SYNE2: variants seen among roughly 807,000 people sequenced by gnomAD.
The protein encoded by SYNE2 is spectrin repeat containing nuclear envelope protein 2.
In SYNE2, 431 loss-of-function variants were observed where a neutral mutation model predicts 856.3. The ratio of observed to expected loss-of-function variants is 0.50; its 90% CI spans 0.47 to 0.55. The LOEUF (loss-of-function observed/expected upper bound fraction) is 0.55, where lower values mean the gene tolerates loss of function less well. Ranked by LOEUF, SYNE2 falls within the 20% of genes least tolerant of loss-of-function variation. The pLI, the probability that SYNE2 is intolerant of heterozygous loss-of-function variation, is 0.00. For synonymous variants in SYNE2, 2,923 were observed against 2,872.3 expected, an observed-to-expected ratio of 1.02 and a Z score of -0.56; for missense variants, 8,129 against 8,023.2, an observed-to-expected ratio of 1.01 and a Z score of -0.50.
In SYNE2 at chr14:64,202,206, A is replaced by C. The variant is rs1031615638; in HGVS notation, c.18039-595A>C. The C allele has an allele frequency of 1.4e-5, 10 of 702,166 alleles. No homozygotes were observed. In the African/African-American group the frequency reaches 1.6e-4, roughly 11 times the overall value. 43.5% of individuals were successfully genotyped at this position (702,166 alleles called of 1,614,324 possible). Reference sequence around the variant, plus strand: ...TTTTAGACGGACAGAGATGCCCCATAATCTACCCGCATGGGCTGGTTCAAT... The same window carrying C: ...TTTTAGACGGACAGAGATGCCCCATCATCTACCCGCATGGGCTGGTTCAAT... On this transcript the variant is annotated intron_variant, in intron 99 of 115. Coordinates refer to ENST00000555002, the MANE Select transcript of SYNE2 (RefSeq NM_182914.3).
Position 64,163,432 on chromosome 14 carries a change from G to A in SYNE2, c.16330G>A (p.Glu5444Lys). ...GCAGCATGATGTGCAGAAAACAAAA[G>A]AAGCCTTTCTCCAAAATTCCAGTGT... Reference protein sequence around the residue: ...ELQHDVQKTKEAFLQNSSVLD... With the variant: ...ELQHDVQKTKKAFLQNSSVLD... The change falls in exon 89 of 116, where the codon GAA (glutamate) becomes AAA (lysine). Residue 5444 changes from glutamate (E) to lysine (K), a missense_variant. By Grantham distance (56) the Glu-to-Lys change is moderately conservative (BLOSUM62 1). Coordinates refer to ENST00000555002, the MANE Select transcript of SYNE2 (RefSeq NM_182914.3). The A allele has an allele frequency of 6.2e-7, 1 of 1,613,990 alleles. No homozygotes were observed.
intron 51 of SYNE2, among the ~76,000 whole-genome samples, chr14:64,066,684 G>T (rs936072709): frequency 6.6e-6 from 1 of 152,170 alleles, no homozygotes; most frequent in Non-Finnish European, 1.5e-5. Context: ...TTACACTTTT[G>T]GTTGGGGCTG....
At chr14:64,086,110 G>C (rs1197534149) in intron 57 of SYNE2, among the ~76,000 whole-genome samples, 3 of 152,090 alleles carry the variant, frequency 2.0e-5, no homozygotes, top group Non-Finnish European at 2.9e-5. Context: ...ATTTCTTCCT[G>C]TGTTTTCTTC....
intron 65 of SYNE2, among the ~76,000 whole-genome samples, chr14:64,108,043 C>T (rs2097782482): frequency 6.6e-6 from 1 of 152,078 alleles, no homozygotes; most frequent in South Asian, 2.1e-4. Flanking sequence ...AATCAAAATT[C>T]AGGGAGTAAA....
intron 1 of SYNE2, among the ~76,000 whole-genome samples, chr14:63,822,942 A>C (rs1434822272): frequency 1.3e-5 from 2 of 151,954 alleles, no homozygotes; most frequent in African/African-American, 4.8e-5. Context: ...CATCTCTATA[A>C]AATTTTTAAA....
chr14:64,128,546 A>C lies in SYNE2; in HGVS notation c.14012A>C (p.Gln4671Pro). ...ATCAGTGGGCAGAGTGTTGCTGAAC[A>C]GCTTCAGGTAATCAAGTCAAAATAA... ...NEISGQSVAE[Q>P]LQKADAYTVE... Residue 4671 changes from glutamine to proline, a missense_variant, in exon 74 of 116, where the codon CAG becomes CCG. Gln to Pro is a moderately conservative substitution (Grantham distance 76). This residue lies in a region of SYNE2 where 5,410 missense variants were observed against 5,284.8 expected (regional missense o/e 1.02). Transcript: ENST00000555002. The C allele has an allele frequency of 6.3e-7, 1 of 1,597,862 alleles. No individual in the cohort carries two copies. Among genetic ancestry groups the C allele is most frequent in the South Asian group, 1.1e-5 (1 of 90,720 alleles).
intron 77 of SYNE2, among the ~76,000 whole-genome samples, chr14:64,133,214 AAAG>A (rs2098043567): frequency 6.6e-6 from 1 of 152,154 alleles, no homozygotes; most frequent in Non-Finnish European, 1.5e-5. Flanking sequence ...TCAAAAAAAA[AAAG>A]AAAAAAGGAA....
chr14:64,141,964 C>G lies in SYNE2; in HGVS notation c.15182C>G (p.Ser5061Cys). 6.2e-7 allele frequency: 1 copy of G among 1,614,048 alleles called. No individual in the cohort carries two copies. Among genetic ancestry groups the G allele is most frequent in the Non-Finnish European group, 8.5e-7 (1 of 1,179,994 alleles). ...CAGCTTCAAATGGAGAAATTGCCGTCTCGTAAAGCAATCACAGAAATGATT... is the reference window on the plus strand; with the variant it reads ...CAGCTTCAAATGGAGAAATTGCCGTGTCGTAAAGCAATCACAGAAATGATT... ...LHQLQMEKLPSRKAITEMISW... is the reference protein window; with the variant it reads ...LHQLQMEKLPCRKAITEMISW... Residue 5061 changes from serine (S) to cysteine (C), a missense_variant, in exon 82 of 116, where the codon TCT (serine) becomes TGT (cysteine). Around this residue, in one of 3 missense-constraint regions of SYNE2, gnomAD observed 5,410 missense variants for 5,284.8 expected, o/e 1.02. Transcript: ENST00000555002.
intron 45 of SYNE2, chr14:64,034,451 T>G (rs1230902495): frequency 2.2e-6 from 1 of 461,370 alleles, no homozygotes; most frequent in Admixed American, 3.7e-5. Context: ...TAGAAAGTTT[T>G]TATTTCTTTT....
At position 63,940,693 on chromosome 14, in the gene SYNE2, A is replaced by G. The variant is rs772572092; in HGVS notation, c.141+18A>G. ...TGGCCAGGGTAAGCAAATGAAGACC[A>G]AATTAGTTTATAAATCTATTTATTA... On this transcript the variant is annotated intron_variant, in intron 3 of 115. Coordinates refer to ENST00000555002, the MANE Select transcript of SYNE2 (RefSeq NM_182914.3). 2.2e-5 allele frequency: 35 copies of G among 1,612,492 alleles called. No individual in the cohort carries two copies. In the South Asian group the frequency reaches 2.9e-4, roughly 13 times the overall value.
intron 64 of SYNE2, among the ~76,000 whole-genome samples, 157 bp downstream of exon 64, chr14:64,102,199 C>T (rs1187810324): frequency 6.6e-6 from 1 of 152,210 alleles, no homozygotes; most frequent in African/African-American, 2.4e-5. Context: ...TCACTGCAAC[C>T]TCCGCCTCTT....
At chr14:63,934,749 A>G (rs1158803576) in intron 2 of SYNE2, among the ~76,000 whole-genome samples, 1 of 152,014 alleles carries the variant, frequency 6.6e-6, no homozygotes, top group African/African-American at 2.4e-5. Context: ...ACCTGATACT[A>G]TTGCTGATTA....
At chr14:63,851,360 C>CA (rs1195234788), upstream of SYNE2, among the ~76,000 whole-genome samples, 1 of 152,024 alleles carries the variant, frequency 6.6e-6, no homozygotes, top group Non-Finnish European at 1.5e-5. Context: ...GACTCTGTCT[C>CA]AAAAAACAAA....
At chr14:63,868,205 C>A (rs746942382) in intron 1 of SYNE2, among the ~76,000 whole-genome samples, 1 of 152,064 alleles carries the variant, frequency 6.6e-6, no homozygotes, top group Non-Finnish European at 1.5e-5. Flanking sequence ...TGAAAGGTGA[C>A]CTAACAGCAT....
chr14:63,908,470 G>T (rs2095434785), intron 1 of SYNE2, among the ~76,000 whole-genome samples: 1 of 151,958 alleles, frequency 6.6e-6, no homozygotes, highest in African/African-American at 2.4e-5. Flanking sequence ...AGTAAAAACT[G>T]CTCTCACTGG....
intron 45 of SYNE2, among the ~76,000 whole-genome samples, chr14:64,040,597 A>AATAT (rs3031304): frequency 0.04 from 5,735 of 142,380 alleles, 146 homozygotes; most frequent in African/African-American, 0.059. Context: ...TGAGGTTAAA[A>AATAT]ATATATATAT....
rs780169451 is a variant in SYNE2, at chr14:64,202,155, C to G, written c.18039-646C>G. ...GAGATCACATTTAGAACTGCGCTTG[C>G]GTGCAGATTTCCTTTGCCCCCTCCC... On this transcript the variant is annotated intron_variant, in intron 99 of 115. Coordinates refer to ENST00000555002, the MANE Select transcript of SYNE2 (RefSeq NM_182914.3). 21 of 701,662 alleles carry G rather than the reference C, an allele frequency of 3.0e-5. No individual in the cohort carries two copies. In the South Asian group the frequency reaches 3.1e-4, roughly 10 times the overall value. The allele number at this position is 701,662 out of a possible 1,614,324, so 43.5% of individuals were successfully genotyped here.
chr14:63,993,094 G>T (rs574200204), intron 21 of SYNE2, among the ~76,000 whole-genome samples: 2 of 152,324 alleles, frequency 1.3e-5, no homozygotes, highest in East Asian at 3.9e-4. Flanking sequence ...TGTCAGGGCT[G>T]TTCCCATTCT....
At chr14:64,057,266 T>C (rs1162050705) in intron 49 of SYNE2, among the ~76,000 whole-genome samples, 1 of 151,974 alleles carries the variant, frequency 6.6e-6, no homozygotes, top group Non-Finnish European at 1.5e-5. Context: ...CCCTTCCACC[T>C]CCCCCACTAC....
Sources: gnomAD v4.1 joint callset for allele counts (sites outside exome capture counted in the v4.1 genomes callset) on GRCh38, gnomAD v4.1.1 for gene constraint, gnomAD v4.1.1 regional missense constraint, MANE v1.5 for transcripts, NCBI Gene and HGNC (gene_info 2026-07-23, HGNC 2026-07-21) for gene names.